The following SLC25A48 variants were observed in gnomAD, a reference collection of about 807,000 sequenced individuals.
The protein encoded by SLC25A48 is CTC-321K16.1.
In SLC25A48, 29 loss-of-function variants were observed where a neutral mutation model predicts 32.2. That is an observed-to-expected ratio of 0.90 (90% CI 0.67 to 1.23). The LOEUF (loss-of-function observed/expected upper bound fraction) is 1.23, where lower values mean the gene tolerates loss of function less well. Ranked by LOEUF, SLC25A48 falls within the 50% of genes most tolerant of loss-of-function variation. The probability of loss-of-function intolerance (pLI) is 0.00; values close to 1 mark genes in which losing one functional copy is unlikely to be tolerated. For synonymous variants in SLC25A48, 164 were observed against 172.3 expected, an observed-to-expected ratio of 0.95 and a Z score of 0.38; for missense variants, 399 against 422.7, an observed-to-expected ratio of 0.94 and a Z score of 0.49.
chr5:135,614,015 T>A lies in SLC25A48; in HGVS notation c.-848-15222T>A, dbSNP rs1197737485. ...ATTTTGATGGTGATTGCATTGAATC[T>A]GTAGATTGCTTTCGGCAGAATGGTC... is the stretch of plus-strand genomic sequence containing the variant. On this transcript the variant is annotated intron_variant, in intron 1 of 10. Coordinates refer to the SLC25A48 transcript ENST00000646290. Among the ~76,000 whole-genome samples the A allele has an allele frequency of 4.6e-5, 7 of 152,214 alleles. No individual in the cohort carries two copies. In the East Asian group the frequency reaches 1.3e-3, roughly 29 times the overall value.
intron 1 of SLC25A48, among the ~76,000 whole-genome samples, chr5:135,601,934 A>G (rs931408199): frequency 6.6e-6 from 1 of 152,182 alleles, no homozygotes; most frequent in Non-Finnish European, 1.5e-5. Flanking sequence ...ATGGTTAACA[A>G]TGTCTACTGC....
chr5:135,723,971 C>G (rs1755030466), intron 3 of SLC25A48, among the ~76,000 whole-genome samples: 1 of 152,168 alleles, frequency 6.6e-6, no homozygotes, highest in African/African-American at 2.4e-5. Flanking sequence ...CATTATTGAC[C>G]CAAGACTGGA....
chr5:135,805,188 G>T (rs11959683), intron 3 of SLC25A48, among the ~76,000 whole-genome samples: 7 of 150,784 alleles, frequency 4.6e-5, no homozygotes, highest in African/African-American at 1.7e-4. Flanking sequence ...TAATCTCCTA[G>T]GGAGATATTA....
At chr5:135,716,880 C>A (rs575203981) in intron 3 of SLC25A48, among the ~76,000 whole-genome samples, 7 of 152,320 alleles carry the variant, frequency 4.6e-5, no homozygotes, top group African/African-American at 1.7e-4. Flanking sequence ...TTCTTTATTG[C>A]TCCTGAAGGA....
At chr5:135,703,626 C>G (rs991096171) in intron 3 of SLC25A48, among the ~76,000 whole-genome samples, 1 of 152,192 alleles carries the variant, frequency 6.6e-6, no homozygotes, top group Non-Finnish European at 1.5e-5. Context: ...CCTTGACTCT[C>G]CAGTCTACTC....
intron 3 of SLC25A48, among the ~76,000 whole-genome samples, chr5:135,736,528 G>A (rs1755364375): frequency 6.6e-6 from 1 of 151,984 alleles, no homozygotes; most frequent in Admixed American, 6.6e-5. Flanking sequence ...AGAGAGTGGA[G>A]ACATGGAGAG....
At chr5:135,769,533 A>G (rs1756345073) in intron 3 of SLC25A48, among the ~76,000 whole-genome samples, 1 of 151,530 alleles carries the variant, frequency 6.6e-6, no homozygotes. Context: ...TGTACACCCT[A>G]CTGGGGTATT....
chr5:135,611,016 T>C (rs540236393), intron 1 of SLC25A48, among the ~76,000 whole-genome samples: 5 of 152,256 alleles, frequency 3.3e-5, no homozygotes, highest in African/African-American at 1.2e-4. Context: ...GAGGGATGGA[T>C]TAATAAAGGT....
intron 3 of SLC25A48, among the ~76,000 whole-genome samples, chr5:135,713,964 G>T (rs143266601): frequency 6.6e-6 from 1 of 152,228 alleles, no homozygotes; most frequent in South Asian, 2.1e-4. Context: ...CATCCCCTGC[G>T]AGTGAAAGGA....
chr5:135,698,979 C>T (rs1214388063), intron 3 of SLC25A48, among the ~76,000 whole-genome samples: 2 of 152,048 alleles, frequency 1.3e-5, no homozygotes, highest in African/African-American at 4.8e-5. Context: ...CAAATCAAAC[C>T]CATCCTAAAA....
At chr5:135,788,255 G>A (rs1191277207) in intron 3 of SLC25A48, among the ~76,000 whole-genome samples, 5 of 151,272 alleles carry the variant, frequency 3.3e-5, no homozygotes, top group Admixed American at 6.6e-5. Flanking sequence ...GGGAGAGGGT[G>A]ATATTATTCA....
intron 3 of SLC25A48, among the ~76,000 whole-genome samples, chr5:135,711,774 A>G (rs1423370916): frequency 1.3e-5 from 2 of 151,766 alleles, no homozygotes; most frequent in East Asian, 3.9e-4. Context: ...TGGGTTTGGC[A>G]CCCCATGATT....
chr5:135,805,780 G>A (rs1757450217), intron 3 of SLC25A48, among the ~76,000 whole-genome samples: 2 of 151,506 alleles, frequency 1.3e-5, no homozygotes, highest in Admixed American at 1.3e-4. Flanking sequence ...ATCCCAGTGG[G>A]TGTATACCCT....
At position 135,617,939 on chromosome 5, in the gene SLC25A48, G is replaced by A. The variant is rs375509672; in HGVS notation, c.-848-11298G>A. Among the ~76,000 whole-genome samples the A allele has an allele frequency of 1.8e-4, 28 of 151,940 alleles. 1 individual carries two copies. The highest frequency in any genetic ancestry group is 6.3e-4 in the African/African-American group (26 of 41,424). Reference sequence around the variant, plus strand: ...TTTAAATTTCTCTTGGCTCCATTTGGTCTAATATGCAGTTTAAGTTTGATG... The same window carrying A: ...TTTAAATTTCTCTTGGCTCCATTTGATCTAATATGCAGTTTAAGTTTGATG... On this transcript the variant is annotated intron_variant, in intron 1 of 10. Coordinates refer to the SLC25A48 transcript ENST00000646290.
intron 4 of SLC25A48, among the ~76,000 whole-genome samples, chr5:135,823,110 T>A (rs1449337258): frequency 6.6e-6 from 1 of 151,546 alleles, no homozygotes; most frequent in Admixed American, 6.6e-5. Flanking sequence ...CACAGGAGCA[T>A]GTGTCAGGGG....
At position 135,850,507 on chromosome 5, in the gene SLC25A48, C is replaced by T; in HGVS notation, c.162+11C>T. 1.2e-6 allele frequency: 2 copies of T among 1,613,826 alleles called. No homozygotes were observed. Among genetic ancestry groups the T allele is most frequent in the Non-Finnish European group, 1.7e-6 (2 of 1,179,938 alleles). On this transcript the variant is annotated intron_variant, in intron 3 of 7. Coordinates refer to ENST00000681962, the MANE Select transcript of SLC25A48 (RefSeq NM_001349336.2). ...TACAGGAGGGAGAGTGTAAGTGCCC[C>T]TTGGGCGGGTGGAGTGATGCCTGCC...
At chr5:135,655,371 G>A (rs921060400) in intron 3 of SLC25A48, among the ~76,000 whole-genome samples, 1 of 152,190 alleles carries the variant, frequency 6.6e-6, no homozygotes, top group African/African-American at 2.4e-5. Flanking sequence ...TGAGAAAATG[G>A]AGGAACAAAA....
intron 1 of SLC25A48, among the ~76,000 whole-genome samples, chr5:135,582,421 C>T (rs1751255263): frequency 6.6e-6 from 1 of 152,032 alleles, no homozygotes; most frequent in Admixed American, 6.6e-5. Context: ...CTAGGAGACT[C>T]ATCAGGGGAT....
chr5:135,799,577 T>G (rs540187700), intron 3 of SLC25A48, among the ~76,000 whole-genome samples: 3 of 151,252 alleles, frequency 2.0e-5, no homozygotes, highest in African/African-American at 7.3e-5. Context: ...AATATCCAGG[T>G]GGGGATATGT....
Sources: gnomAD v4.1 joint callset for allele counts (sites outside exome capture counted in the v4.1 genomes callset) on GRCh38, gnomAD v4.1.1 for gene constraint, MANE v1.5 for transcripts, NCBI Gene and HGNC (gene_info 2026-07-23, HGNC 2026-07-21) for gene names.